HMCN1: variants seen among roughly 807,000 people sequenced by gnomAD.
The protein encoded by HMCN1 is hemicentin 1.
A neutral mutation model predicts 625.9 loss-of-function variants in HMCN1; 321 were observed. The observed-to-expected ratio is 0.51, with a 90% CI of 0.47 to 0.56. The LOEUF (loss-of-function observed/expected upper bound fraction) is 0.56. HMCN1 is among the 20% of genes least tolerant of loss of function. HMCN1 has a pLI of 0.00. For synonymous variants in HMCN1, 2,425 were observed against 2,417.6 expected (o/e 1.00, Z -0.09); for missense variants, 6,588 against 6,887.3 (o/e 0.96, Z 1.54).
chr1:185,793,897 C>T (rs1658170642), intron 1 of HMCN1, among the ~76,000 whole-genome samples: 1 of 152,182 alleles, frequency 6.6e-6, no homozygotes, highest in Admixed American at 6.5e-5. Context: ...AAACGACTCA[C>T]AGTTCAGAAC....
At chr1:185,936,185 A>G (rs182434595) in intron 11 of HMCN1, among the ~76,000 whole-genome samples, 1 of 152,170 alleles carries the variant, frequency 6.6e-6, no homozygotes, top group East Asian at 1.9e-4. Flanking sequence ...AGATTTTACA[A>G]GTTTTTTGTA....
At chr1:185,744,544 AT>A (rs759662918) in intron 1 of HMCN1, among the ~76,000 whole-genome samples, 1 of 152,166 alleles carries the variant, frequency 6.6e-6, no homozygotes, top group Admixed American at 6.5e-5. Flanking sequence ...ACTTCTTACC[AT>A]TTGTCAGGGA....
At chr1:185,829,656 C>T (rs1181982497) in intron 1 of HMCN1, among the ~76,000 whole-genome samples, 1 of 152,094 alleles carries the variant, frequency 6.6e-6, no homozygotes, top group Non-Finnish European at 1.5e-5. Context: ...TCCAGTCTAT[C>T]ATTGGTGGGC....
rs148337369 is a variant in HMCN1 at position 185,850,148 on chromosome 1, G to A, written c.339+4052G>A. ...GGAAGATAAACCAGTGTCTGCAGTA[G>A]AGTAGACTTTCAATAGCTGTTGAAT... On this transcript the variant is annotated intron_variant, in intron 2 of 106. Transcript: ENST00000271588. Among the ~76,000 whole-genome samples, 184 of 152,280 alleles carry A rather than the reference G, an allele frequency of 1.2e-3. 1 individual carries two copies. Among genetic ancestry groups the A allele is most frequent in the South Asian group, 0.012 (57 of 4,828 alleles).
chr1:186,025,777 G>T (rs1458923545), intron 36 of HMCN1, among the ~76,000 whole-genome samples: 1 of 152,198 alleles, frequency 6.6e-6, no homozygotes, highest in Non-Finnish European at 1.5e-5. Context: ...GGGTTAATGT[G>T]AAATGAAAGA....
chr1:185,966,076 T>C (rs937462835), intron 14 of HMCN1, among the ~76,000 whole-genome samples, 161 bp downstream of exon 14: 4 of 152,146 alleles, frequency 2.6e-5, no homozygotes, highest in Non-Finnish European at 5.9e-5. Context: ...CAACTCTGAA[T>C]TTCAGGATTT....
chr1:186,072,811 G>A (rs1465430093), intron 52 of HMCN1, among the ~76,000 whole-genome samples: 2 of 152,224 alleles, frequency 1.3e-5, no homozygotes, highest in Non-Finnish European at 2.9e-5. Context: ...CTAATGGAGA[G>A]CCAGACCATG....
At chr1:186,087,374 G>A (rs1223832528) in intron 59 of HMCN1, 44 bp downstream of exon 59, 7 of 1,596,648 alleles carry the variant, frequency 4.4e-6, no homozygotes, top group Non-Finnish European at 5.2e-6. Context: ...TTTTAAAACT[G>A]GTATTCAATA....
At chr1:186,002,670 A>G (rs1653275657) in intron 28 of HMCN1, among the ~76,000 whole-genome samples, 1 of 152,072 alleles carries the variant, frequency 6.6e-6, no homozygotes, top group African/African-American at 2.4e-5. Context: ...TTTTATCTCC[A>G]GTTCAGACTT....
Position 186,166,248 on chromosome 1 carries a change from C to G in HMCN1, c.15384C>G (p.Tyr5128Ter). 2.5e-6 allele frequency: 4 copies of G among 1,614,128 alleles called. No individual in the cohort carries two copies. The highest frequency in any genetic ancestry group is 3.4e-6 in the Non-Finnish European group (4 of 1,179,992). The change falls in exon 99 of 107, where the codon TAC becomes TAG. Residue 5128 changes from tyrosine (Y) to a stop codon, truncating the protein, a stop_gained. Transcript: ENST00000271588. LOFTEE classifies it high-confidence loss of function. ...GCTGCCACAATGCCATGGGGACTTA[C>G]TACTGCTCCTGCCCTAAAGGCCTCA... ...SHSCHNAMGT[Y>*]YCSCPKGLTI...
chr1:185,850,837 C>A (rs567762442), intron 2 of HMCN1, among the ~76,000 whole-genome samples: 1 of 151,834 alleles, frequency 6.6e-6, no homozygotes, highest in East Asian at 1.9e-4. Flanking sequence ...ATTAGAACAA[C>A]CAGCAAGGGA....
At chr1:185,850,957 G>C (rs1371489748) in intron 2 of HMCN1, among the ~76,000 whole-genome samples, 1 of 152,036 alleles carries the variant, frequency 6.6e-6, no homozygotes, top group Admixed American at 6.6e-5. Context: ...GAATTATTCT[G>C]TCTTAAATCA....
At chr1:185,797,375 G>C (rs1010109238) in intron 1 of HMCN1, among the ~76,000 whole-genome samples, 1 of 152,278 alleles carries the variant, frequency 6.6e-6, no homozygotes, top group East Asian at 1.9e-4. Context: ...ACAAATCTCA[G>C]ATCAATGTAA....
chr1:186,187,993 C>T lies in HMCN1; in HGVS notation c.16525C>T (p.Arg5509Trp), dbSNP rs574260204. Residue 5509 changes from arginine (R) to tryptophan (W), a missense_variant, in exon 106 of 107, where the codon CGG (arginine) becomes TGG (tryptophan). By Grantham distance (101) the Arg-to-Trp change is moderately radical (BLOSUM62 -3). Coordinates refer to ENST00000271588, the MANE Select transcript of HMCN1 (RefSeq NM_031935.3). ...IDTPCPPNYQ[R>W]DPVSGFCLKN... is the part of the protein sequence containing the mutation. ...TACACCCTGTCCACCCAACTACCAA[C>T]GGGATCCTGTTTCAGGGTATGTCTT... The T allele has an allele frequency of 4.3e-5, 70 of 1,613,848 alleles. No homozygotes were observed. The South Asian group carries it at 5.7e-4, about 13-fold the overall frequency.
chr1:185,891,836 TC>T lies in HMCN1; in HGVS notation c.622-17499del, dbSNP rs1020361140. Among the ~76,000 whole-genome samples the T allele has an allele frequency of 8.1e-5, 12 of 147,970 alleles. 1 individual carries two copies. The highest frequency in any genetic ancestry group is 1.6e-4 in the African/African-American group (6 of 37,328). On this transcript the variant is annotated intron_variant, in intron 4 of 106. Coordinates refer to ENST00000271588, the MANE Select transcript of HMCN1 (RefSeq NM_031935.3). Reference sequence around the variant, plus strand: ...GTATCTTTGTGGCGTTCTCTCTATTTCCTGAATCTGAACGTTGGCCTGCCTT... The same window carrying T: ...GTATCTTTGTGGCGTTCTCTCTATTTCTGAATCTGAACGTTGGCCTGCCTT...
chr1:186,112,735 C>T lies in HMCN1; in HGVS notation c.10990-77C>T, dbSNP rs574051757. The T allele has an allele frequency of 2.1e-5, 32 of 1,557,660 alleles. No homozygotes were observed. In the Admixed American group the frequency reaches 3.2e-4, roughly 16 times the overall value. On this transcript the variant is annotated intron_variant, in intron 71 of 106. Coordinates refer to ENST00000271588, the MANE Select transcript of HMCN1 (RefSeq NM_031935.3). ...GCAGGTCCACAGTTCACTATACTTA[C>T]TTTTGATGCTGTGAAATAATATTTA... is the stretch of plus-strand genomic sequence containing the variant.
chr1:186,055,336 A>G lies in HMCN1; in HGVS notation c.6863-57A>G. 4.6e-6 allele frequency: 7 copies of G among 1,521,166 alleles called. No individual in the cohort carries two copies. The East Asian group carries it at 1.6e-4, about 34-fold the overall frequency. The allele number at this position is 1,521,166 out of a possible 1,614,324, so 94.2% of individuals were successfully genotyped here. ...GTTTGGCTGATGAAAATTCCTATGT[A>G]AGACTTGAAGCAAACATTTCCTCTT... is the stretch of plus-strand genomic sequence containing the variant. On this transcript the variant is annotated intron_variant, in intron 44 of 106. Transcript: ENST00000271588.
Position 186,057,285 on chromosome 1 carries a change from T to A in HMCN1, c.7196T>A (p.Val2399Glu). 2.5e-6 allele frequency: 4 copies of A among 1,611,260 alleles called. No individual in the cohort carries two copies. The highest frequency in any genetic ancestry group is 3.4e-6 in the Non-Finnish European group (4 of 1,177,870). The change falls in exon 46 of 107, where the codon GTA becomes GAA. Residue 2399 changes from valine (V) to glutamate (E), a missense_variant. This residue lies in a region of HMCN1 where 4,628 missense variants were observed against 4,853.1 expected (regional missense o/e 0.95). Coordinates refer to ENST00000271588, the MANE Select transcript of HMCN1 (RefSeq NM_031935.3). The stretch of plus-strand genomic sequence containing the variant: ...AGGTCACCTGAAAATATTAGTGTGG[T>A]AGAAAAGAACTCAGTATCTTTGACT... Reference protein sequence around the residue: ...NHRSPENISVVEKNSVSLTCE... With the variant: ...NHRSPENISVEEKNSVSLTCE...
Position 185,742,257 on chromosome 1 carries a change from A to G in HMCN1, c.268+7210A>G, listed in dbSNP as rs114726441. Among the ~76,000 whole-genome samples the G allele has an allele frequency of 8.3e-3, 1,257 of 152,322 alleles. 12 individuals carry two copies. The highest frequency in any genetic ancestry group is 0.027 in the Middle Eastern group (8 of 294). On this transcript the variant is annotated intron_variant, in intron 1 of 106. Transcript: ENST00000271588. ...CATTATAATATAAAGAAAAATAAGC[A>G]ACTATAAAGAGGTTCAAAGTAGCAA...
Sources: gnomAD v4.1 joint callset for allele counts (sites outside exome capture counted in the v4.1 genomes callset) on GRCh38, gnomAD v4.1.1 for gene constraint, gnomAD v4.1.1 regional missense constraint, MANE v1.5 for transcripts, NCBI Gene and HGNC (gene_info 2026-07-23, HGNC 2026-07-21) for gene names.